KATNIP: variants seen among roughly 807,000 people sequenced by gnomAD.
The protein encoded by KATNIP is katanin interacting protein, also known as katanin-interacting protein.
Under a neutral mutation model 174.0 loss-of-function variants are expected in KATNIP, and 126 were observed. That is an observed-to-expected ratio of 0.72 (90% CI 0.63 to 0.84). The LOEUF is 0.84. KATNIP is among the 40% of genes least tolerant of loss of function. KATNIP has a pLI of 0.00. For synonymous variants in KATNIP, 810 were observed against 835.7 expected, an observed-to-expected ratio of 0.97 and a Z score of 0.53; for missense variants, 1,958 against 2,109.7, an observed-to-expected ratio of 0.93 and a Z score of 1.41.
At chr16:27,602,337 G>C (rs1295563015) in intron 2 of KATNIP, among the ~76,000 whole-genome samples, 2 of 152,200 alleles carry the variant, frequency 1.3e-5, no homozygotes, top group African/African-American at 4.8e-5. Flanking sequence ...CATCAGGCCA[G>C]AGTCTGCAAG....
rs535253432 is a variant in KATNIP, at chr16:27,553,958, A to G, written c.7+3781A>G. ...AAAAAGACCTTGTCTAGAGAGAGAG[A>G]GAGCAGGGGGTGGGGTGGGGGGAGA... On this transcript the variant is annotated intron_variant, in intron 1 of 27. Transcript: ENST00000261588. 2.2e-5 allele frequency among the ~76,000 whole-genome samples: 3 copies of G among 134,292 alleles called. No individual in the cohort carries two copies. The East Asian group carries it at 7.5e-4, about 34-fold the overall frequency. The allele number at this position is 134,292 out of a possible 152,430, so 88.1% of individuals were successfully genotyped here.
At chr16:27,625,541 G>A (rs2076307673) in intron 3 of KATNIP, among the ~76,000 whole-genome samples, 1 of 152,202 alleles carries the variant, frequency 6.6e-6, no homozygotes, top group Admixed American at 6.5e-5. Context: ...AGTTACTTGT[G>A]TTTTTCTTCC....
chr16:27,746,836 G>A (rs1040734258), intron 15 of KATNIP, among the ~76,000 whole-genome samples: 9 of 152,288 alleles, frequency 5.9e-5, no homozygotes, highest in African/African-American at 2.2e-4. Context: ...AGTCAGTGGC[G>A]GCCGTACTCA....
chr16:27,753,555 C>A (rs959738109), intron 17 of KATNIP, among the ~76,000 whole-genome samples: 1 of 152,152 alleles, frequency 6.6e-6, no homozygotes, highest in Admixed American at 6.5e-5. Context: ...GGTGGCCCAC[C>A]GTTGACTCTC....
chr16:27,746,115 C>T (rs2081286227), intron 15 of KATNIP, among the ~76,000 whole-genome samples: 1 of 152,110 alleles, frequency 6.6e-6, no homozygotes, highest in Admixed American at 6.5e-5. Context: ...TAGGCGTGAG[C>T]CACCGTGCCC....
chr16:27,711,960 T>C (rs1567333218), intron 13 of KATNIP, among the ~76,000 whole-genome samples: 1 of 152,172 alleles, frequency 6.6e-6, no homozygotes, highest in Non-Finnish European at 1.5e-5. Context: ...TGCTTGCTGC[T>C]GGGACTTGGC....
At position 27,778,812 on chromosome 16, in the gene KATNIP, T is replaced by C; in HGVS notation, c.*183T>C. ...GGATACTACCAGAGTGACAGATGGC[T>C]GTGGCTGCAGGGCAAAGAGATCCCC... On this transcript the variant is annotated 3_prime_UTR_variant, in exon 28 of 28. Transcript: ENST00000261588. 3.6e-6 allele frequency: 2 copies of C among 550,708 alleles called. No individual in the cohort carries two copies. The highest frequency in any genetic ancestry group is 3.1e-6 in the Non-Finnish European group (1 of 318,460). 34.1% of individuals were successfully genotyped at this position (550,708 alleles called of 1,614,324 possible).
chr16:27,655,257 G>A (rs2077242773), intron 6 of KATNIP, among the ~76,000 whole-genome samples: 2 of 126,342 alleles, frequency 1.6e-5, no homozygotes, highest in Admixed American at 9.1e-5. Context: ...TTAAAGAGAT[G>A]GAGTCTTGCT....
intron 3 of KATNIP, among the ~76,000 whole-genome samples, chr16:27,620,266 C>T (rs984504251): frequency 2.6e-5 from 4 of 152,184 alleles, no homozygotes; most frequent in Non-Finnish European, 4.4e-5. Context: ...GAAAGAAACA[C>T]CTTCCAGTGG....
chr16:27,767,372 A>G (rs2082161358), intron 20 of KATNIP, among the ~76,000 whole-genome samples: 2 of 152,202 alleles, frequency 1.3e-5, no homozygotes, highest in African/African-American at 2.4e-5. Flanking sequence ...GGTGATCCCC[A>G]GATCTGGGCT....
intron 2 of KATNIP, among the ~76,000 whole-genome samples, chr16:27,602,477 G>T (rs2075559986): frequency 6.6e-6 from 1 of 152,168 alleles, no homozygotes; most frequent in South Asian, 2.1e-4. Flanking sequence ...TGCACTCGCT[G>T]TTCCTGCCAT....
intron 18 of KATNIP, chr16:27,757,561 C>T (rs1381566901): frequency 1.0e-5 from 10 of 980,638 alleles, no homozygotes; most frequent in African/African-American, 1.8e-5. Flanking sequence ...TATTTCAGTG[C>T]CTTTGGGAAT....
At chr16:27,590,651 G>A (rs539697028) in intron 2 of KATNIP, among the ~76,000 whole-genome samples, 1 of 152,296 alleles carries the variant, frequency 6.6e-6, no homozygotes, top group South Asian at 2.1e-4. Context: ...AGGCTAGTGG[G>A]ATTGACAGGC....
intron 6 of KATNIP, among the ~76,000 whole-genome samples, chr16:27,662,544 A>G (rs1333312591): frequency 6.6e-6 from 1 of 152,122 alleles, no homozygotes; most frequent in Non-Finnish European, 1.5e-5. Context: ...TAATTTGGTG[A>G]TGAGCATGAA....
At chr16:27,562,347 TC>T (rs1308061693) in intron 1 of KATNIP, among the ~76,000 whole-genome samples, 5 of 152,130 alleles carry the variant, frequency 3.3e-5, no homozygotes, top group African/African-American at 1.2e-4. Flanking sequence ...AATAGGACCT[TC>T]CCATAAGGCT....
At chr16:27,748,087 A>G (rs1235963588) in intron 15 of KATNIP, among the ~76,000 whole-genome samples, 2 of 152,240 alleles carry the variant, frequency 1.3e-5, no homozygotes, top group Non-Finnish European at 2.9e-5. Context: ...TGACACCCTT[A>G]GATGGCAGTG....
At chr16:27,550,993 T>A (rs2089334730) in intron 1 of KATNIP, among the ~76,000 whole-genome samples, 1 of 152,200 alleles carries the variant, frequency 6.6e-6, no homozygotes. Context: ...AAAGGAAAGC[T>A]GCTCACCAAG....
intron 4 of KATNIP, among the ~76,000 whole-genome samples, chr16:27,629,340 G>A (rs1477883698): frequency 6.6e-6 from 1 of 152,176 alleles, no homozygotes; most frequent in Non-Finnish European, 1.5e-5. Flanking sequence ...AGCAAAGGCA[G>A]CCAAAGCAGT....
intron 13 of KATNIP, among the ~76,000 whole-genome samples, chr16:27,721,249 A>G (rs2080226012): frequency 6.6e-6 from 1 of 152,146 alleles, no homozygotes; most frequent in Non-Finnish European, 1.5e-5. Flanking sequence ...CGCTCTCCTC[A>G]AAGCCGATTA....
Sources: allele counts gnomAD v4.1 joint callset (sites outside exome capture counted in the v4.1 genomes callset), GRCh38; gene constraint gnomAD v4.1.1; transcripts MANE v1.5; gene names NCBI Gene and HGNC (gene_info 2026-07-23, HGNC 2026-07-21).